Variants in LRP4 observed in about 807,000 individuals in gnomAD.
LRP4 encodes low-density lipoprotein receptor-related protein 4.
In LRP4, 95 loss-of-function variants were observed where a neutral mutation model predicts 220.3. That is an observed-to-expected ratio of 0.43 (90% CI 0.37 to 0.51). LRP4 has a LOEUF of 0.51. LRP4 is among the 20% of genes least tolerant of loss of function. The pLI, the probability that LRP4 is intolerant of heterozygous loss-of-function variation, is 0.00. For missense variants in LRP4, 1,925 were observed against 2,567.0 expected (o/e 0.75, Z 5.40); for synonymous variants, 903 against 954.6 (o/e 0.95, Z 1.00).
At chr11:46,871,448 G>A in intron 31 of LRP4, 77 bp downstream of exon 31, 1 of 997,566 alleles carries the variant, frequency 1.0e-6, no homozygotes, top group South Asian at 1.4e-5. Context: ...AGCAGCTATA[G>A]CTGAGACTGC....
chr11:46,903,636 A>G (rs1941709800), intron 1 of LRP4, among the ~76,000 whole-genome samples: 1 of 152,266 alleles, frequency 6.6e-6, no homozygotes, highest in South Asian at 2.1e-4. Flanking sequence ...AGGTTGAGAT[A>G]TGGACGCTCT....
chr11:46,899,558 C>T lies in LRP4; in HGVS notation c.431-55G>A. ...GAGGGGGCCCCACAGGCAACCCTCT[C>T]ACCCTCCTCTCTGACTCCCAACCTC... On this transcript the variant is annotated intron_variant, in intron 4 of 37. Transcript: ENST00000378623. The surrounding 1 kb of genome is among the most constrained non-coding windows in gnomAD (Gnocchi z 5.9). 1 of 1,226,156 alleles carries T rather than the reference C, an allele frequency of 8.2e-7. No homozygotes were observed. The highest frequency in any genetic ancestry group is 1.2e-6 in the Non-Finnish European group (1 of 834,296). 76.0% of individuals were successfully genotyped at this position (1,226,156 alleles called of 1,614,324 possible).
intron 12 of LRP4, 46 bp downstream of exon 12, chr11:46,894,543 G>C: frequency 7.0e-7 from 1 of 1,433,622 alleles, no homozygotes; most frequent in Non-Finnish European, 9.7e-7. Flanking sequence ...CCGTTGCTGC[G>C]CATGTGGCAT....
chr11:46,905,869 AT>A lies in LRP4; in HGVS notation c.53-2941del, dbSNP rs1299573312. Among the ~76,000 whole-genome samples, 5 of 151,482 alleles carry A rather than the reference AT, an allele frequency of 3.3e-5. No individual in the cohort carries two copies. The East Asian group carries it at 7.8e-4, about 24-fold the overall frequency. On this transcript the variant is annotated intron_variant, in intron 1 of 37. Transcript: ENST00000378623. Reference sequence around the variant, plus strand: ...CTCCGTCTCAAAAAAAAAAAAAAAAATCTATAACATGCAGACAGGCCCCTAT... The same window carrying A: ...CTCCGTCTCAAAAAAAAAAAAAAAAACTATAACATGCAGACAGGCCCCTAT...
Position 46,879,268 on chromosome 11 carries a change from A to T in LRP4, c.2862T>A (p.Tyr954Ter). The T allele has an allele frequency of 1.2e-6, 2 of 1,614,194 alleles. No individual in the cohort carries two copies. The highest frequency in any genetic ancestry group is 1.7e-6 in the Non-Finnish European group (2 of 1,180,036). ...QLPHPFGLTL[Y>*]GERIYWTDWQ... ...AGTCAGTCCAATAGATGCGCTCTCC[A>T]TAGAGGGTCAGCCCAAATGGGTGGG... is the stretch of plus-strand genomic sequence containing the variant. The change falls in exon 21 of 38, where the codon TAT becomes TAA. Residue 954 changes from tyrosine to a stop codon, truncating the protein, a stop_gained. Transcript: ENST00000378623. LOFTEE classifies it high-confidence loss of function.
Position 46,877,184 on chromosome 11 carries a change from G to C in LRP4, c.3277+15C>G. The stretch of plus-strand genomic sequence containing the variant: ...AGGGACAGAAGGCCAGGTGGGAAGA[G>C]AGGGCCATACAGACCTTCCTGGGGG... On this transcript the variant is annotated intron_variant, in intron 23 of 37. Coordinates refer to ENST00000378623, the MANE Select transcript of LRP4 (RefSeq NM_002334.4). 6.2e-7 allele frequency: 1 copy of C among 1,613,620 alleles called. No individual in the cohort carries two copies. Among genetic ancestry groups the C allele is most frequent in the Non-Finnish European group, 8.5e-7 (1 of 1,179,662 alleles).
At chr11:46,892,836 C>T (rs1334436864) in intron 13 of LRP4, 137 bp downstream of exon 13, 4 of 1,049,442 alleles carry the variant, frequency 3.8e-6, no homozygotes, top group South Asian at 1.5e-5. Flanking sequence ...TCCCAAAGTG[C>T]TGGGATTACA....
chr11:46,896,421 G>A, intron 8 of LRP4, 86 bp from the exon 9 acceptor site: 3 of 1,537,764 alleles, frequency 2.0e-6, no homozygotes, highest in Non-Finnish European at 2.7e-6. Context: ...GGGTAAGCTG[G>A]AGACAGATGA....
intron 20 of LRP4, among the ~76,000 whole-genome samples, chr11:46,880,817 T>A (rs1353481681): frequency 6.6e-6 from 1 of 151,728 alleles, no homozygotes; most frequent in African/African-American, 2.4e-5. Context: ...GGCTCGTGCC[T>A]ATAATCCCAA....
rs751749634 is a variant in LRP4, at chr11:46,878,983, G to A, written c.3060C>T (p.Ser1020=). 1 of 1,614,230 alleles carries A rather than the reference G, an allele frequency of 6.2e-7. No homozygotes were observed. Among genetic ancestry groups the A allele is most frequent in the Non-Finnish European group, 8.5e-7 (1 of 1,180,036 alleles). Residue 1020 remains serine (S), a synonymous_variant, in exon 22 of 38, where the codon TCC becomes TCT. Transcript: ENST00000378623. ...NGGCSHLCLR[S]PNPSGFSCTC... ...TACAGCTGAATCCGCTTGGATTTGGGGACCTAAGACACAGGTGGCTACAGC... is the reference window on the plus strand; with the variant it reads ...TACAGCTGAATCCGCTTGGATTTGGAGACCTAAGACACAGGTGGCTACAGC...
At position 46,896,227 on chromosome 11, in the gene LRP4, C is replaced by CT. The variant is rs1254793128; in HGVS notation, c.1030dup (p.Ser344LysfsTer12). On this transcript the variant is annotated frameshift_variant, in exon 9 of 38. Transcript: ENST00000378623. LOFTEE classifies it high-confidence loss of function. ...ACACTCACGGCAATTCTGCTGTGGG[C>CT]TTTCGTCGCTGTTGTCACCACAGTC... is the stretch of plus-strand genomic sequence containing the variant. 1 of 1,614,044 alleles carries CT rather than the reference C, an allele frequency of 6.2e-7. No homozygotes were observed. The highest frequency in any genetic ancestry group is 1.7e-5 in the Admixed American group (1 of 60,028).
chr11:46,874,711 C>G, intron 28 of LRP4, 89 bp downstream of exon 28: 1 of 1,126,434 alleles, frequency 8.9e-7, no homozygotes, highest in Admixed American at 1.7e-5. Flanking sequence ...TGCCAAATCA[C>G]TCATCCATTT....
chr11:46,907,609 CCTT>C (rs1272835200), intron 1 of LRP4, among the ~76,000 whole-genome samples: 23 of 152,318 alleles, frequency 1.5e-4, no homozygotes, highest in Admixed American at 5.2e-4. Flanking sequence ...CCAAGACAAT[CCTT>C]CTTCCAGTGT....
Position 46,899,147 on chromosome 11 carries a change from T to A in LRP4, c.548-115A>T. On this transcript the variant is annotated intron_variant, in intron 5 of 37. Transcript: ENST00000378623. This position sits in a 1 kb window ranked among gnomAD's most constrained non-coding sequence, Gnocchi z 5.9. ...GGCAGGAGAGCTTCTTCAAGTGAGA[T>A]GTAACCAGGTTTCATCTGGGACAGC... The A allele has an allele frequency of 9.3e-7, 1 of 1,078,870 alleles. No homozygotes were observed. Among genetic ancestry groups the A allele is most frequent in the East Asian group, 2.4e-5 (1 of 41,628 alleles). The allele number at this position is 1,078,870 out of a possible 1,614,324, so 66.8% of individuals were successfully genotyped here. A position where few individuals can be genotyped will look rare whatever the true frequency, so the allele number is the denominator to read the frequency against.
In LRP4 at chr11:46,882,486, GA is replaced by G. The variant is rs200622207; in HGVS notation, c.2613-584del. On this transcript the variant is annotated intron_variant, in intron 19 of 37. Transcript: ENST00000378623. ...GTGAGACTCTGTTTCAAAAAAAAAA[GA>G]AAAAAACAAAAAGAGAAATGTTTCT... is the stretch of plus-strand genomic sequence containing the variant. Among the ~76,000 whole-genome samples the G allele has an allele frequency of 7.7e-3, 1,158 of 150,668 alleles. 14 individuals carry two copies. The highest frequency in any genetic ancestry group is 0.014 in the Middle Eastern group (4 of 288).
chr11:46,873,067 T>C lies in LRP4; in HGVS notation c.4583+33A>G. The C allele has an allele frequency of 6.2e-7, 1 of 1,614,148 alleles. No homozygotes were observed. The highest frequency in any genetic ancestry group is 8.5e-7 in the Non-Finnish European group (1 of 1,179,990). On this transcript the variant is annotated intron_variant, in intron 30 of 37. Coordinates refer to ENST00000378623, the MANE Select transcript of LRP4 (RefSeq NM_002334.4). This position sits in a 1 kb window ranked among gnomAD's most constrained non-coding sequence, Gnocchi z 4.2. The stretch of plus-strand genomic sequence containing the variant: ...ACCATTCTCTCTTCTGCCCACCCGA[T>C]TTCCAGGAGGCTGTTTGATGCAAGA...
At chr11:46,891,638 G>T (rs1351514444) in intron 13 of LRP4, among the ~76,000 whole-genome samples, 2 of 151,354 alleles carry the variant, frequency 1.3e-5, no homozygotes, top group Non-Finnish European at 1.5e-5. Flanking sequence ...AATTTTTTTT[G>T]AGACAGAGTC....
At chr11:46,859,549 C>T (rs974571078) in intron 37 of LRP4, among the ~76,000 whole-genome samples, 2 of 152,122 alleles carry the variant, frequency 1.3e-5, no homozygotes, top group Non-Finnish European at 2.9e-5. Flanking sequence ...CCATGGCTTC[C>T]GGTCCTGCAG....
At chr11:46,872,138 CCTAG>C (rs1156362856) in intron 30 of LRP4, among the ~76,000 whole-genome samples, 3 of 152,234 alleles carry the variant, frequency 2.0e-5, no homozygotes, top group Admixed American at 2.0e-4. Flanking sequence ...TGCCTGTAAT[CCTAG>C]CTACTTGGGA....
Sources: gnomAD v4.1 joint callset for allele counts (sites outside exome capture counted in the v4.1 genomes callset) on GRCh38, gnomAD v4.1.1 for gene constraint, Gnocchi (gnomAD v3.1) non-coding constraint, MANE v1.5 for transcripts, NCBI Gene and HGNC (gene_info 2026-07-23, HGNC 2026-07-21) for gene names.